The following SDK1 variants were observed in gnomAD, a reference collection of about 807,000 sequenced individuals.
SDK1 encodes sidekick cell adhesion molecule 1.
SDK1 carries 157 observed loss-of-function variants against 245.5 expected under a neutral mutation model. That is an observed-to-expected ratio of 0.64 (90% CI 0.56 to 0.73). The LOEUF is 0.73. Ranked by LOEUF, SDK1 falls within the 30% of genes least tolerant of loss-of-function variation. The pLI, the probability that SDK1 is intolerant of heterozygous loss-of-function variation, is 0.00. For synonymous variants in SDK1, 1,647 were observed against 1,278.5 expected, an observed-to-expected ratio of 1.29 and a Z score of -6.15; for missense variants, 3,583 against 3,002.3, an observed-to-expected ratio of 1.19 and a Z score of -4.52.
chr7:4,157,255 CGGAAGGAA>C (rs200896942), intron 30 of SDK1, among the ~76,000 whole-genome samples: 9 of 141,334 alleles, frequency 6.4e-5, no homozygotes, highest in Admixed American at 5.9e-4. Context: ...GACGGACGGA[CGGAAGGAA>C]GGAAGGAAGA....
chr7:3,719,244 GT>G (rs11290875), intron 4 of SDK1, among the ~76,000 whole-genome samples: 19,990 of 134,228 alleles, frequency 0.15, 1,884 homozygotes, highest in African/African-American at 0.29. Context: ...ACCCAGAAAG[GT>G]TTTTTTTTTT....
intron 20 of SDK1, 105 bp downstream of exon 20, chr7:4,068,041 T>C (rs926469915): frequency 6.7e-5 from 52 of 771,804 alleles, no homozygotes; most frequent in Middle Eastern, 2.3e-4. Context: ...CCCGTGCCCA[T>C]GGCCTTCTCA....
At chr7:3,429,921 T>C (rs946583687) in intron 1 of SDK1, among the ~76,000 whole-genome samples, 14 of 152,210 alleles carry the variant, frequency 9.2e-5, no homozygotes, top group African/African-American at 3.1e-4. Flanking sequence ...CATAGAGATG[T>C]GCATGTAAAA....
At chr7:3,675,855 CT>C (rs1409173380) in intron 4 of SDK1, among the ~76,000 whole-genome samples, 3 of 152,096 alleles carry the variant, frequency 2.0e-5, no homozygotes, top group Non-Finnish European at 4.4e-5. Context: ...TGTTCATGCC[CT>C]TTGCCTACTT....
intron 4 of SDK1, among the ~76,000 whole-genome samples, chr7:3,771,446 G>A (rs561494238): frequency 5.3e-5 from 8 of 152,254 alleles, no homozygotes; most frequent in Non-Finnish European, 7.4e-5. Context: ...AATCGAGGCC[G>A]TTTTTATAAT....
rs751137121 is a variant in SDK1, at chr7:4,265,598, G to C, written c.*214G>C. The C allele has an allele frequency of 6.5e-5, 87 of 1,339,028 alleles. No individual in the cohort carries two copies. The highest frequency in any genetic ancestry group is 6.1e-5 in the Non-Finnish European group (64 of 1,054,582). The allele number at this position is 1,339,028 out of a possible 1,614,324, so 82.9% of individuals were successfully genotyped here. A position where few individuals can be genotyped will look rare whatever the true frequency, so the allele number is the denominator to read the frequency against. On this transcript the variant is annotated 3_prime_UTR_variant, in exon 45 of 45. Transcript: ENST00000404826. The stretch of plus-strand genomic sequence containing the variant: ...TAACTTCGCTGCAGGAAGCAGGTTT[G>C]TTTCTTTTTCTTTTCTTTTTAAGAG...
chr7:4,214,743 C>T (rs144094643), intron 38 of SDK1, among the ~76,000 whole-genome samples: 2 of 152,302 alleles, frequency 1.3e-5, no homozygotes. Context: ...GATTGCCCAG[C>T]GGTGCTGGTG....
At chr7:3,445,061 C>T (rs1415685172) in intron 1 of SDK1, among the ~76,000 whole-genome samples, 1 of 152,038 alleles carries the variant, frequency 6.6e-6, no homozygotes, top group Admixed American at 6.6e-5. Context: ...TATTTATTTT[C>T]TTAAAATAAA....
intron 4 of SDK1, among the ~76,000 whole-genome samples, chr7:3,804,953 T>C (rs1038883893): frequency 4.6e-5 from 7 of 152,212 alleles, no homozygotes; most frequent in Non-Finnish European, 1.0e-4. Context: ...AGGAGATCTA[T>C]TAAACGGCAT....
At chr7:3,825,380 A>G (rs1779746854) in intron 5 of SDK1, among the ~76,000 whole-genome samples, 1 of 151,896 alleles carries the variant, frequency 6.6e-6, no homozygotes, top group Non-Finnish European at 1.5e-5. Context: ...GTGGTTAATC[A>G]GTCATTGTTT....
chr7:3,949,626 C>G (rs994599797), intron 5 of SDK1, among the ~76,000 whole-genome samples: 7 of 152,152 alleles, frequency 4.6e-5, no homozygotes, highest in Non-Finnish European at 8.8e-5. Context: ...ATTGAAATCC[C>G]TGTTCTAGAA....
chr7:3,437,369 T>G (rs996119158), intron 1 of SDK1, among the ~76,000 whole-genome samples: 1 of 152,164 alleles, frequency 6.6e-6, no homozygotes, highest in Non-Finnish European at 1.5e-5. Context: ...TAAAGAATGT[T>G]TTAGCATAAT....
At chr7:3,382,671 G>A (rs1341367350) in intron 1 of SDK1, among the ~76,000 whole-genome samples, 1 of 152,074 alleles carries the variant, frequency 6.6e-6, no homozygotes, top group African/African-American at 2.4e-5. Flanking sequence ...TGTTTGATTA[G>A]CGATGTTGCT....
intron 4 of SDK1, among the ~76,000 whole-genome samples, chr7:3,799,397 C>T (rs7787471): frequency 0.13 from 20,155 of 151,476 alleles, 2,711 homozygotes; most frequent in African/African-American, 0.35. Flanking sequence ...TGAAGGCATA[C>T]GAATATGTTA....
intron 1 of SDK1, among the ~76,000 whole-genome samples, chr7:3,344,218 T>C (rs1249233723): frequency 6.6e-6 from 1 of 152,166 alleles, no homozygotes; most frequent in East Asian, 1.9e-4. Flanking sequence ...ACTCCCTACA[T>C]GTTCAATTTT....
intron 1 of SDK1, among the ~76,000 whole-genome samples, chr7:3,346,881 G>C (rs1780522760): frequency 9.2e-6 from 1 of 108,764 alleles, no homozygotes; most frequent in African/African-American, 3.7e-5. Context: ...ATGTTGCCCA[G>C]GCTGGTCTCG....
intron 1 of SDK1, among the ~76,000 whole-genome samples, chr7:3,328,135 A>G (rs1242240793): frequency 6.6e-6 from 1 of 152,190 alleles, no homozygotes; most frequent in Non-Finnish European, 1.5e-5. Context: ...AATTGGGAAG[A>G]ATAATGTGGA....
At chr7:3,900,838 G>A (rs766754358) in intron 5 of SDK1, among the ~76,000 whole-genome samples, 9 of 151,882 alleles carry the variant, frequency 5.9e-5, no homozygotes, top group Admixed American at 3.9e-4. Context: ...ATACTCCAGC[G>A]ATCTTCAACA....
intron 1 of SDK1, among the ~76,000 whole-genome samples, chr7:3,453,136 C>T (rs1365466202): frequency 2.0e-5 from 3 of 152,058 alleles, no homozygotes; most frequent in South Asian, 4.2e-4. Flanking sequence ...TTTAACCCCC[C>T]CCGGTTTTCC....
Sources: gnomAD v4.1 joint callset for allele counts (sites outside exome capture counted in the v4.1 genomes callset) on GRCh38, gnomAD v4.1.1 for gene constraint, MANE v1.5 for transcripts, NCBI Gene and HGNC (gene_info 2026-07-23, HGNC 2026-07-21) for gene names.